Variants in CSMD3 observed in about 807,000 individuals in gnomAD.
CSMD3 encodes CUB and Sushi multiple domains 3.
In CSMD3, 177 loss-of-function variants were observed where a neutral mutation model predicts 435.2. That is an observed-to-expected ratio of 0.41 (90% CI 0.36 to 0.46). The LOEUF (loss-of-function observed/expected upper bound fraction) is 0.46. Among genes scored for constraint, CSMD3 ranks in the 20% least tolerant of loss-of-function variants. The pLI is 0.34. For synonymous variants in CSMD3, 1,656 were observed against 1,520.5 expected, an observed-to-expected ratio of 1.09 and a Z score of -2.07; for missense variants, 4,265 against 4,504.6, an observed-to-expected ratio of 0.95 and a Z score of 1.52.
intron 6 of CSMD3, among the ~76,000 whole-genome samples, chr8:113,002,663 G>A (rs1413351051): frequency 1.3e-5 from 2 of 152,078 alleles, no homozygotes; most frequent in Non-Finnish European, 2.9e-5. Flanking sequence ...TTTGTCTCAA[G>A]GGCTGAAGTA....
chr8:112,910,829 A>T lies in CSMD3; in HGVS notation c.1633+10798T>A, dbSNP rs539052092. 5.9e-5 allele frequency among the ~76,000 whole-genome samples: 9 copies of T among 152,054 alleles called. No homozygotes were observed. The East Asian group carries it at 1.8e-3, about 30-fold the overall frequency. On this transcript the variant is annotated intron_variant, in intron 10 of 70. Coordinates refer to ENST00000297405, the MANE Select transcript of CSMD3 (RefSeq NM_198123.2). ...TTCTCAATTATTAGCCATGTGGCTT[A>T]TACATCACTAATTCCAGTGAAAACG...
chr8:112,810,323 A>G (rs1563982930), intron 12 of CSMD3, among the ~76,000 whole-genome samples: 1 of 152,086 alleles, frequency 6.6e-6, no homozygotes, highest in Non-Finnish European at 1.5e-5. Flanking sequence ...ACAGGCACAC[A>G]CAATTTTTTA....
chr8:113,436,782 C>G lies in CSMD3; in HGVS notation c.73G>C (p.Ala25Pro), dbSNP rs759069250. 2 of 1,614,194 alleles carry G rather than the reference C, an allele frequency of 1.2e-6. No individual in the cohort carries two copies. Among genetic ancestry groups the G allele is most frequent in the Admixed American group, 3.3e-5 (2 of 60,018 alleles). Residue 25 changes from alanine to proline, a missense_variant, in exon 1 of 71, where the codon GCT becomes CCT. Around this residue, in one of 3 missense-constraint regions of CSMD3, gnomAD observed 731 missense variants for 755.4 expected, o/e 0.97. Coordinates refer to ENST00000297405, the MANE Select transcript of CSMD3 (RefSeq NM_198123.2). ...KPWEPGKRRC[A>P]KCGRLDFILM... ...ATGAAGTCTAGGCGGCCACATTTAG[C>G]GCATCTTCGCTTGCCAGGCTCCCAG...
intron 11 of CSMD3, among the ~76,000 whole-genome samples, chr8:112,836,483 C>G (rs1285866140): frequency 6.6e-6 from 1 of 151,896 alleles, no homozygotes; most frequent in South Asian, 2.1e-4. Context: ...GCCAGTGATT[C>G]GATTACACGT....
chr8:112,729,583 C>G (rs536795197), intron 13 of CSMD3, among the ~76,000 whole-genome samples: 8 of 152,202 alleles, frequency 5.3e-5, no homozygotes, highest in Non-Finnish European at 1.0e-4. Context: ...ATGTAATTAA[C>G]GATTTTGGTA....
chr8:112,263,990 G>A (rs2130390025), intron 60 of CSMD3, among the ~76,000 whole-genome samples, 178 bp from the exon 61 acceptor site: 1 of 152,282 alleles, frequency 6.6e-6, no homozygotes, highest in Middle Eastern at 3.4e-3. Flanking sequence ...ATTAATCCCT[G>A]CAGGATGCAA....
At chr8:113,218,396 C>T in intron 3 of CSMD3, among the ~76,000 whole-genome samples, 1 of 147,546 alleles carries the variant, frequency 6.8e-6, no homozygotes, top group East Asian at 2.0e-4. Flanking sequence ...TGAAACCACA[C>T]AGTACAAAGC....
intron 5 of CSMD3, among the ~76,000 whole-genome samples, chr8:113,041,303 TA>T (rs1326354378): frequency 6.6e-6 from 1 of 151,378 alleles, no homozygotes; most frequent in African/African-American, 2.4e-5. Flanking sequence ...CTCTGTACAT[TA>T]GGGGTGGGGA....
intron 3 of CSMD3, among the ~76,000 whole-genome samples, chr8:113,199,154 G>A (rs958495065): frequency 1.3e-5 from 2 of 150,276 alleles, no homozygotes; most frequent in African/African-American, 2.4e-5. Context: ...CATTGAAGAC[G>A]GTTCATTTAT....
chr8:113,070,705 T>G (rs543474218), intron 5 of CSMD3, among the ~76,000 whole-genome samples: 34 of 152,192 alleles, frequency 2.2e-4, no homozygotes, highest in Admixed American at 7.2e-4. Context: ...CATGCTGTAT[T>G]TGTCTTTCTG....
chr8:112,825,934 A>C (rs1022173424), intron 12 of CSMD3, among the ~76,000 whole-genome samples: 3 of 139,922 alleles, frequency 2.1e-5, no homozygotes, highest in African/African-American at 8.0e-5. Context: ...AACTATCAGG[A>C]GGAAAAACTA....
chr8:112,515,164 A>T (rs1332823992), intron 28 of CSMD3, among the ~76,000 whole-genome samples: 3 of 152,062 alleles, frequency 2.0e-5, no homozygotes, highest in Admixed American at 2.0e-4. Context: ...TTTTAGTGTT[A>T]TCTAGAATTT....
intron 32 of CSMD3, among the ~76,000 whole-genome samples, chr8:112,423,605 G>A (rs1379933877): frequency 6.6e-6 from 1 of 152,050 alleles, no homozygotes; most frequent in East Asian, 1.9e-4. Context: ...CACCATGCCT[G>A]GCTAAGTTTT....
chr8:113,430,703 T>A (rs979232654), intron 1 of CSMD3, among the ~76,000 whole-genome samples: 1 of 152,200 alleles, frequency 6.6e-6, no homozygotes, highest in African/African-American at 2.4e-5. Context: ...TCCAAACATT[T>A]AAGGGCCTGA....
At chr8:112,865,471 C>G (rs1160548034) in intron 10 of CSMD3, among the ~76,000 whole-genome samples, 1 of 151,988 alleles carries the variant, frequency 6.6e-6, no homozygotes, top group East Asian at 1.9e-4. Context: ...TAATCTTACT[C>G]CAACAGATTC....
chr8:113,372,786 T>C (rs2094354391), intron 1 of CSMD3, among the ~76,000 whole-genome samples: 2 of 151,748 alleles, frequency 1.3e-5, no homozygotes, highest in Admixed American at 1.3e-4. Context: ...TACAAAAAAT[T>C]AGCCGGGCGT....
intron 22 of CSMD3, among the ~76,000 whole-genome samples, chr8:112,633,514 C>T (rs996751726): frequency 2.6e-4 from 39 of 151,900 alleles, no homozygotes; most frequent in Admixed American, 8.5e-4. Context: ...AGATATTACA[C>T]GACAGAATTT....
At chr8:113,157,229 G>A (rs769758373) in intron 4 of CSMD3, among the ~76,000 whole-genome samples, 3 of 152,058 alleles carry the variant, frequency 2.0e-5, no homozygotes, top group Non-Finnish European at 2.9e-5. Flanking sequence ...TAAACCACAC[G>A]TGGTACTTTA....
At chr8:112,709,427 T>A (rs902714734) in intron 13 of CSMD3, among the ~76,000 whole-genome samples, 2 of 152,004 alleles carry the variant, frequency 1.3e-5, no homozygotes, top group African/African-American at 4.8e-5. Context: ...TAACTACATT[T>A]TGAATAGAGA....
Sources: allele counts gnomAD v4.1 joint callset (sites outside exome capture counted in the v4.1 genomes callset), GRCh38; gene constraint gnomAD v4.1.1; regional missense constraint gnomAD v4.1.1; transcripts MANE v1.5; gene names NCBI Gene and HGNC (gene_info 2026-07-23, HGNC 2026-07-21).